Variants in GLIPR2 observed in about 807,000 individuals in gnomAD.
GLIPR2 encodes Golgi-associated plant pathogenesis-related protein 1.
Under a neutral mutation model 20.4 loss-of-function variants are expected in GLIPR2, and 21 were observed. That is an observed-to-expected ratio of 1.03 (90% CI 0.73 to 1.48). GLIPR2 has a LOEUF of 1.48. GLIPR2 is among the 40% of genes most tolerant of loss of function. GLIPR2 has a pLI of 0.00. For missense variants in GLIPR2, 205 were observed against 200.1 expected, an observed-to-expected ratio of 1.02 and a Z score of -0.15; for synonymous variants, 91 against 80.5, an observed-to-expected ratio of 1.13 and a Z score of -0.70.
At chr9:36,148,183 G>C (rs1297735402) in intron 2 of GLIPR2, among the ~76,000 whole-genome samples, 2 of 152,098 alleles carry the variant, frequency 1.3e-5, no homozygotes, top group African/African-American at 4.8e-5. Context: ...GGGAGGTGGA[G>C]GTTGCAGTGA....
chr9:36,142,331 G>A (rs1468355686), intron 1 of GLIPR2, among the ~76,000 whole-genome samples: 1 of 152,110 alleles, frequency 6.6e-6, no homozygotes, highest in Admixed American at 6.5e-5. Flanking sequence ...GAGGGGTGGG[G>A]GCTTAGGACA....
intron 1 of GLIPR2, among the ~76,000 whole-genome samples, chr9:36,140,718 A>G (rs1554644578): frequency 1.3e-5 from 2 of 152,138 alleles, no homozygotes; most frequent in Non-Finnish European, 1.5e-5. Context: ...TAAAGTGGAA[A>G]GTGTGGGAGA....
In GLIPR2 at chr9:36,162,579, G is replaced by C. The variant is rs1826104924; in HGVS notation, c.*57G>C. 2 of 1,558,318 alleles carry C rather than the reference G, an allele frequency of 1.3e-6. No individual in the cohort carries two copies. The highest frequency in any genetic ancestry group is 1.8e-6 in the Non-Finnish European group (2 of 1,139,438). On this transcript the variant is annotated 3_prime_UTR_variant, in exon 5 of 5. Transcript: ENST00000377960. ...TAAGAACGTGGATATGAAGTGCCTA[G>C]AACCACCACAACCTGGCTGTGCGTC...
chr9:36,151,108 C>T (rs1825565095), intron 4 of GLIPR2, 159 bp downstream of exon 4: 5 of 624,786 alleles, frequency 8.0e-6, no homozygotes, highest in Middle Eastern at 3.8e-4. Flanking sequence ...CAGACCAAAG[C>T]TCTCCTTTCC....
chr9:36,147,662 A>G, intron 1 of GLIPR2, 124 bp from the exon 2 acceptor site: 1 of 682,544 alleles, frequency 1.5e-6, no homozygotes. Context: ...CAGGTGTTGG[A>G]GGGGAGCAGC....
chr9:36,147,754 C>A, intron 1 of GLIPR2, 32 bp from the exon 2 acceptor site: 1 of 952,798 alleles, frequency 1.0e-6, no homozygotes, highest in Non-Finnish European at 1.7e-6. Flanking sequence ...TTTCTCTGCA[C>A]TGAGCCATTC....
chr9:36,141,767 T>C (rs1031402708), intron 1 of GLIPR2: 4 of 449,672 alleles, frequency 8.9e-6, no homozygotes, highest in Non-Finnish European at 1.8e-5. Context: ...GATCCTCCCA[T>C]CTCAGTCTCC....
At position 36,162,699 on chromosome 9, in the gene GLIPR2, T is replaced by C; in HGVS notation, c.*177T>C. ...ACAGTTCTGTGTGCGCTCATTCTTA[T>C]TACAGGAGTGAGCAAAGGAAGCATT... is the stretch of plus-strand genomic sequence containing the variant. On this transcript the variant is annotated 3_prime_UTR_variant, in exon 5 of 5. Transcript: ENST00000377960. 1 of 666,342 alleles carries C rather than the reference T, an allele frequency of 1.5e-6. No homozygotes were observed. The highest frequency in any genetic ancestry group is 2.6e-6 in the Non-Finnish European group (1 of 385,672). The allele number at this position is 666,342 out of a possible 1,614,324, so 41.3% of individuals were successfully genotyped here. A position where few individuals can be genotyped will look rare whatever the true frequency, so the allele number is the denominator to read the frequency against.
chr9:36,141,765 C>T, intron 1 of GLIPR2: 1 of 449,846 alleles, frequency 2.2e-6, no homozygotes. Context: ...GCGATCCTCC[C>T]ATCTCAGTCT....
intron 4 of GLIPR2, among the ~76,000 whole-genome samples, chr9:36,161,571 C>G (rs528618722): frequency 6.7e-6 from 1 of 149,552 alleles, no homozygotes; most frequent in Non-Finnish European, 1.5e-5. Flanking sequence ...TAAGTGAGGG[C>G]GAGGAGGCGG....
At chr9:36,149,418 C>G (rs1206009408) in intron 3 of GLIPR2, among the ~76,000 whole-genome samples, 2 of 152,240 alleles carry the variant, frequency 1.3e-5, no homozygotes, top group Non-Finnish European at 2.9e-5. Context: ...CAACGTGGTC[C>G]TTGGCACCCC....
chr9:36,142,496 C>T lies in GLIPR2; in HGVS notation c.14-5290C>T, dbSNP rs557157513. On this transcript the variant is annotated intron_variant, in intron 1 of 4. Transcript: ENST00000377960. The stretch of plus-strand genomic sequence containing the variant: ...GAAATAAGATCATGCGTAGGCCCAG[C>T]ACATGGCCAGAGCAGGAGAAAGCAG... Among the ~76,000 whole-genome samples the T allele has an allele frequency of 2.0e-5, 3 of 152,320 alleles. No homozygotes were observed. In the South Asian group the frequency reaches 6.2e-4, roughly 32 times the overall value.
At chr9:36,142,890 T>C (rs1219438785) in intron 1 of GLIPR2, among the ~76,000 whole-genome samples, 1 of 151,916 alleles carries the variant, frequency 6.6e-6, no homozygotes, top group Non-Finnish European at 1.5e-5. Flanking sequence ...AAGGTGTGGT[T>C]GTGGGGCCCT....
chr9:36,147,971 G>A, intron 2 of GLIPR2, 77 bp downstream of exon 2: 1 of 786,284 alleles, frequency 1.3e-6, no homozygotes, highest in Non-Finnish European at 2.3e-6. Flanking sequence ...CCTGTGGCCA[G>A]GCACGATGGC....
intron 1 of GLIPR2, among the ~76,000 whole-genome samples, chr9:36,142,176 T>G (rs1296430044): frequency 6.6e-6 from 1 of 152,212 alleles, no homozygotes; most frequent in Admixed American, 6.5e-5. Flanking sequence ...CTTTGTTCAC[T>G]TCAGAGATCT....
chr9:36,138,969 G>C (rs979175847), intron 1 of GLIPR2, among the ~76,000 whole-genome samples: 2 of 152,146 alleles, frequency 1.3e-5, no homozygotes, highest in African/African-American at 4.8e-5. Flanking sequence ...GCGTTGCCAG[G>C]GTGTAGGGTA....
In GLIPR2 at chr9:36,162,919, C is replaced by T. The variant is rs1157460107; in HGVS notation, c.*397C>T. 6.6e-6 allele frequency: 3 copies of T among 456,702 alleles called. No individual in the cohort carries two copies. Among genetic ancestry groups the T allele is most frequent in the African/African-American group, 2.0e-5 (1 of 49,980 alleles). 28.3% of individuals were successfully genotyped at this position (456,702 alleles called of 1,614,324 possible). ...AAGTTCATTTTATGTGATCTTCATG[C>T]GTCGTAATCTACTTTTGGTAGATAA... On this transcript the variant is annotated 3_prime_UTR_variant, in exon 5 of 5. Coordinates refer to ENST00000377960, the MANE Select transcript of GLIPR2 (RefSeq NM_022343.4).
chr9:36,160,784 G>A (rs571651535), intron 4 of GLIPR2, among the ~76,000 whole-genome samples: 1 of 152,340 alleles, frequency 6.6e-6, no homozygotes, highest in South Asian at 2.1e-4. Context: ...GCTCACGCCT[G>A]TAATCTCAGC....
intron 1 of GLIPR2, among the ~76,000 whole-genome samples, chr9:36,146,546 A>C (rs1825334694): frequency 6.6e-6 from 1 of 152,210 alleles, no homozygotes; most frequent in South Asian, 2.1e-4. Flanking sequence ...TCCCCCAGAG[A>C]CATATTCCTT....
Sources: allele counts gnomAD v4.1 joint callset (sites outside exome capture counted in the v4.1 genomes callset), GRCh38; gene constraint gnomAD v4.1.1; transcripts MANE v1.5; gene names NCBI Gene and HGNC (gene_info 2026-07-23, HGNC 2026-07-21).